Variants in COMP observed in about 807,000 individuals in gnomAD.
COMP encodes the protein cartilage oligomeric matrix protein.
A neutral mutation model predicts 95.8 loss-of-function variants in COMP; 79 were observed. That is an observed-to-expected ratio of 0.82 (90% CI 0.69 to 0.99). The LOEUF (loss-of-function observed/expected upper bound fraction) is 0.99. COMP is among the 50% of genes least tolerant of loss of function. COMP has a pLI of 0.00. For synonymous variants in COMP, 438 were observed against 433.9 expected, an observed-to-expected ratio of 1.01 and a Z score of -0.12; for missense variants, 906 against 1,076.1, an observed-to-expected ratio of 0.84 and a Z score of 2.21.
Position 18,788,883 on chromosome 19 carries a change from C to T in COMP, c.559G>A (p.Gly187Arg), listed in dbSNP as rs1275507670. The T allele has an allele frequency of 3.1e-6, 5 of 1,613,796 alleles. No homozygotes were observed. Among genetic ancestry groups the T allele is most frequent in the Non-Finnish European group, 4.2e-6 (5 of 1,179,992 alleles). ...VCTDINECET[G>R]QHNCVPNSVC... ...GAGTTGGGGACGCAGTTATGTTGCC[C>T]GGTCTCACACTCGTTGATGTCCGTG... is the stretch of plus-strand genomic sequence containing the variant. The change falls in exon 6 of 19, where the codon GGG becomes AGG. Residue 187 changes from glycine to arginine, a missense_variant. Transcript: ENST00000222271. The surrounding 1 kb of genome is among the most constrained non-coding windows in gnomAD (Gnocchi z 4.7).
rs970493722 is a variant in COMP at position 18,789,748 on chromosome 19, C to T, written c.390+194G>A. ...GTAGGGGGTTGTGGGGGCGGGCGTC[C>T]CGGGTGGTGACGGGGATGGTCCTTG... On this transcript the variant is annotated intron_variant, in intron 4 of 18. Transcript: ENST00000222271. The surrounding 1 kb of genome is among the most constrained non-coding windows in gnomAD (Gnocchi z 6.1). Among the ~76,000 whole-genome samples, 1 of 151,612 alleles carries T rather than the reference C, an allele frequency of 6.6e-6. No homozygotes were observed. Among genetic ancestry groups the T allele is most frequent in the Non-Finnish European group, 1.5e-5 (1 of 67,872 alleles).
chr19:18,789,873 C>T lies in COMP; in HGVS notation c.390+69G>A, dbSNP rs537128037. On this transcript the variant is annotated intron_variant, in intron 4 of 18. Coordinates refer to ENST00000222271, the MANE Select transcript of COMP (RefSeq NM_000095.3). The surrounding 1 kb of genome is among the most constrained non-coding windows in gnomAD (Gnocchi z 6.1). ...CACTCCCAGTGGAGGAAGGGGTCTC[C>T]CGGGCGGCGAGAGATTGGGGGGCGG... 1.6e-5 allele frequency: 25 copies of T among 1,549,820 alleles called. 1 individual carries two copies. The South Asian group carries it at 2.2e-4, about 13-fold the overall frequency.
Position 18,784,808 on chromosome 19 carries a change from G to C in COMP, c.1914+88C>G. On this transcript the variant is annotated intron_variant, in intron 16 of 18. Coordinates refer to ENST00000222271, the MANE Select transcript of COMP (RefSeq NM_000095.3). This position sits in a 1 kb window ranked among gnomAD's most constrained non-coding sequence, Gnocchi z 4.9. ...GTCCATAGTATGAGGCTAGGGGGCT[G>C]GGGGGCTCTAAGGGCTGTAAAGGGT... 6.9e-7 allele frequency: 1 copy of C among 1,443,644 alleles called. No individual in the cohort carries two copies. The highest frequency in any genetic ancestry group is 9.6e-7 in the Non-Finnish European group (1 of 1,038,398). 89.4% of individuals were successfully genotyped at this position (1,443,644 alleles called of 1,614,324 possible). A position where few individuals can be genotyped will look rare whatever the true frequency, so the allele number is the denominator to read the frequency against.
chr19:18,787,676 G>T, intron 9 of COMP, 26 bp from the exon 10 acceptor site: 1 of 1,612,462 alleles, frequency 6.2e-7, no homozygotes. Context: ...GGTTAAGGGT[G>T]AGATCAGGTC....
chr19:18,786,413 C>G, intron 11 of COMP, 119 bp downstream of exon 11: 7 of 1,545,074 alleles, frequency 4.5e-6, no homozygotes, highest in Non-Finnish European at 6.2e-6. Flanking sequence ...GCAGGCTGCT[C>G]GGACCGAGAG....
Position 18,789,801 on chromosome 19 carries a change from G to T in COMP, c.390+141C>A. On this transcript the variant is annotated intron_variant, in intron 4 of 18. Coordinates refer to ENST00000222271, the MANE Select transcript of COMP (RefSeq NM_000095.3). This position sits in a 1 kb window ranked among gnomAD's most constrained non-coding sequence, Gnocchi z 6.1. ...TTGGGCGTCCCCCCGCGGTAAGGAG[G>T]TAGTCTGGCCGTGCGCCCCCGGAGG... The T allele has an allele frequency of 1.8e-6, 2 of 1,083,272 alleles. No homozygotes were observed. The highest frequency in any genetic ancestry group is 1.3e-5 in the South Asian group (1 of 74,166). The allele number at this position is 1,083,272 out of a possible 1,614,324, so 67.1% of individuals were successfully genotyped here.
In COMP at chr19:18,789,243, A is replaced by G. The variant is rs767728967; in HGVS notation, c.445T>C (p.Phe149Leu). ...RVRCINTSPGFRCEACPPGYS... is the reference protein window; with the variant it reads ...RVRCINTSPGLRCEACPPGYS... ...CCCGGCGGGCAAGCCTCGCAGCGGA[A>G]CCCCGGGCTGGTGTTGATACAGCGG... The change falls in exon 5 of 19, where the codon TTC (phenylalanine) becomes CTC (leucine). Residue 149 changes from phenylalanine (F) to leucine (L), a missense_variant. Physicochemically the swap from Phe to Leu is conservative, Grantham distance 22 (BLOSUM62 0). Transcript: ENST00000222271. This position sits in a 1 kb window ranked among gnomAD's most constrained non-coding sequence, Gnocchi z 6.1. 3.3e-6 allele frequency: 5 copies of G among 1,525,972 alleles called. No homozygotes were observed. The highest frequency in any genetic ancestry group is 3.5e-6 in the Non-Finnish European group (4 of 1,144,300). 94.5% of individuals were successfully genotyped at this position (1,525,972 alleles called of 1,614,324 possible).
Position 18,786,001 on chromosome 19 carries a change from G to A in COMP, c.1453C>T (p.Arg485Cys), listed in dbSNP as rs191645921. The A allele has an allele frequency of 6.2e-7, 1 of 1,613,194 alleles. No homozygotes were observed. Among genetic ancestry groups the A allele is most frequent in the East Asian group, 2.2e-5 (1 of 44,816 alleles). ...DGVPDSRDNC[R>C]LVPNPGQEDA... ...TCCTGGCCGGGGTTAGGCACCAGGC[G>A]GCAGTTGTCCCGACTGTCAGGGACT... is the stretch of plus-strand genomic sequence containing the variant. Residue 485 changes from arginine (R) to cysteine (C), a missense_variant, in exon 13 of 19, where the codon CGC (arginine) becomes TGC (cysteine). Arg to Cys is a radical substitution (Grantham distance 180). Coordinates refer to ENST00000222271, the MANE Select transcript of COMP (RefSeq NM_000095.3).
Position 18,785,102 on chromosome 19 carries a change from GAA to G in COMP, c.1718-12_1718-11del. The G allele has an allele frequency of 1.2e-6, 2 of 1,613,596 alleles. No homozygotes were observed. The highest frequency in any genetic ancestry group is 1.7e-6 in the Non-Finnish European group (2 of 1,179,802). On this transcript the variant is annotated splice_polypyrimidine_tract_variant and intron_variant, in intron 15 of 18. Coordinates refer to ENST00000222271, the MANE Select transcript of COMP (RefSeq NM_000095.3). ...TTGAAGGCAGTGTAACCTAGGGATG[GAA>G]AGAGAGCAGTGGCCTTTCCGAACGC...
In COMP at chr19:18,788,918, G is replaced by A. The variant is rs752684600; in HGVS notation, c.529-5C>T. 9 of 1,613,108 alleles carry A rather than the reference G, an allele frequency of 5.6e-6. No individual in the cohort carries two copies. The African/African-American group carries it at 1.2e-4, about 22-fold the overall frequency. On this transcript the variant is annotated splice_polypyrimidine_tract_variant and splice_region_variant and intron_variant, in intron 5 of 18. Coordinates refer to ENST00000222271, the MANE Select transcript of COMP (RefSeq NM_000095.3). This position sits in a 1 kb window ranked among gnomAD's most constrained non-coding sequence, Gnocchi z 4.7. The stretch of plus-strand genomic sequence containing the variant: ...CTCGTTGATGTCCGTGCAAACCTAG[G>A]GGAGGGGAACTCAGAGGTCACCACC...
chr19:18,783,071 A>G lies in COMP; in HGVS notation c.2210T>C (p.Leu737Pro). The change falls in exon 18 of 19, where the codon CTG (leucine) becomes CCG (proline). Residue 737 changes from leucine to proline, a missense_variant. Leu to Pro is a moderately conservative substitution (Grantham distance 98). Coordinates refer to ENST00000222271, the MANE Select transcript of COMP (RefSeq NM_000095.3). ...FSQENIIWAN[L>P]RYRCNDTIPE... ...CGGCTCACCATTGCAGCGGTAACGC[A>G]GGTTGGCCCAGATGATGTTCTCCTG... 1 of 1,612,306 alleles carries G rather than the reference A, an allele frequency of 6.2e-7. No homozygotes were observed. The highest frequency in any genetic ancestry group is 8.5e-7 in the Non-Finnish European group (1 of 1,179,970).
chr19:18,785,434 C>G (rs925802600), intron 15 of COMP, 64 bp downstream of exon 15: 5 of 1,601,218 alleles, frequency 3.1e-6, no homozygotes, highest in Non-Finnish European at 3.4e-6. Flanking sequence ...CGGGCCTGCC[C>G]CTTCTCTGGC....
rs1457362390 is a variant in COMP, at chr19:18,784,266, G to T, written c.2012C>A (p.Pro671Gln). 3 of 1,613,938 alleles carry T rather than the reference G, an allele frequency of 1.9e-6. No homozygotes were observed. Among genetic ancestry groups the T allele is most frequent in the African/African-American group, 1.3e-5 (1 of 74,930 alleles). The stretch of plus-strand genomic sequence containing the variant: ...CTTGTCCTTCCAACCCACGTTTCGC[G>T]GGTCCTTCCACAGCAGCCGCACCTG... Reference protein sequence around the residue: ...ESQVRLLWKDPRNVGWKDKKS... With the variant: ...ESQVRLLWKDQRNVGWKDKKS... Residue 671 changes from proline to glutamine, a missense_variant, in exon 17 of 19, where the codon CCG becomes CAG. Coordinates refer to ENST00000222271, the MANE Select transcript of COMP (RefSeq NM_000095.3). This position sits in a 1 kb window ranked among gnomAD's most constrained non-coding sequence, Gnocchi z 4.9.
intron 2 of COMP, 104 bp downstream of exon 2, chr19:18,790,746 C>T: frequency 6.2e-7 from 1 of 1,605,732 alleles, no homozygotes. Flanking sequence ...CCCCTTCCCT[C>T]CCCATCTCCT....
At position 18,786,219 on chromosome 19, in the gene COMP, AC is replaced by A. The variant is rs764459421; in HGVS notation, c.1307+19del. 1 of 1,613,984 alleles carries A rather than the reference AC, an allele frequency of 6.2e-7. No homozygotes were observed. Among genetic ancestry groups the A allele is most frequent in the South Asian group, 1.1e-5 (1 of 91,070 alleles). On this transcript the variant is annotated intron_variant, in intron 12 of 18. Coordinates refer to ENST00000222271, the MANE Select transcript of COMP (RefSeq NM_000095.3). ...TTTGTCAAAGGCTACCCGGACGCCCACCCCAGGTGGCCTCCTTACTGGTCTT... is the reference window on the plus strand; with the variant it reads ...TTTGTCAAAGGCTACCCGGACGCCCACCCAGGTGGCCTCCTTACTGGTCTT...
At chr19:18,790,759 C>A in intron 2 of COMP, 91 bp downstream of exon 2, 13 of 1,599,748 alleles carry the variant, frequency 8.1e-6, no homozygotes, top group Non-Finnish European at 1.1e-5. Context: ...CATCTCCTCT[C>A]CACCTTCTCG....
At position 18,784,228 on chromosome 19, in the gene COMP, A is replaced by G; in HGVS notation, c.2050T>C (p.Trp684Arg). ...VGWKDKKSYR[W>R]FLQHRPQVGY... ...ACTTGGGGCCGGTGCTGCAGGAACC[A>G]ACGATAGGACTTCTTGTCCTTCCAA... The change falls in exon 17 of 19, where the codon TGG becomes CGG. Residue 684 changes from tryptophan (W) to arginine (R), a missense_variant. Transcript: ENST00000222271. This position sits in a 1 kb window ranked among gnomAD's most constrained non-coding sequence, Gnocchi z 4.9. 6.2e-7 allele frequency: 1 copy of G among 1,613,984 alleles called. No homozygotes were observed.
chr19:18,789,206 G>A lies in COMP; in HGVS notation c.482C>T (p.Pro161Leu). 6.4e-7 allele frequency: 1 copy of A among 1,553,510 alleles called. No individual in the cohort carries two copies. The highest frequency in any genetic ancestry group is 8.6e-7 in the Non-Finnish European group (1 of 1,157,272). Reference protein sequence around the residue: ...CEACPPGYSGPTHQGVGLAFA... With the variant: ...CEACPPGYSGLTHQGVGLAFA... ...AGCCAGCCCCACGCCCTGGTGGGTG[G>A]GGCCGCTGTACCCCGGCGGGCAAGC... Residue 161 changes from proline (P) to leucine (L), a missense_variant, in exon 5 of 19, where the codon CCC (proline) becomes CTC (leucine). Physicochemically the swap from Pro to Leu is moderately conservative, Grantham distance 98. Transcript: ENST00000222271. The surrounding 1 kb of genome is among the most constrained non-coding windows in gnomAD (Gnocchi z 6.1).
rs995344156 is a variant in COMP at position 18,789,738 on chromosome 19, G to A, written c.390+204C>T. Among the ~76,000 whole-genome samples the A allele has an allele frequency of 2.6e-5, 4 of 151,826 alleles. No homozygotes were observed. Among genetic ancestry groups the A allele is most frequent in the African/African-American group, 9.7e-5 (4 of 41,350 alleles). ...CACTAGCTATGTAGGGGGTTGTGGGGGCGGGCGTCCCGGGTGGTGACGGGG... is the reference window on the plus strand; with the variant it reads ...CACTAGCTATGTAGGGGGTTGTGGGAGCGGGCGTCCCGGGTGGTGACGGGG... On this transcript the variant is annotated intron_variant, in intron 4 of 18. Coordinates refer to ENST00000222271, the MANE Select transcript of COMP (RefSeq NM_000095.3). This position sits in a 1 kb window ranked among gnomAD's most constrained non-coding sequence, Gnocchi z 6.1.
Sources: gnomAD v4.1 joint callset for allele counts (sites outside exome capture counted in the v4.1 genomes callset) on GRCh38, gnomAD v4.1.1 for gene constraint, Gnocchi (gnomAD v3.1) non-coding constraint, MANE v1.5 for transcripts, NCBI Gene and HGNC (gene_info 2026-07-23, HGNC 2026-07-21) for gene names.